The following MAF variants were observed in gnomAD, a reference collection of about 807,000 sequenced individuals.
MAF encodes the protein MAF bZIP transcription factor.
A neutral mutation model predicts 22.0 loss-of-function variants in MAF; 10 were observed. That is an observed-to-expected ratio of 0.45 (90% CI 0.28 to 0.77). The LOEUF (loss-of-function observed/expected upper bound fraction) is 0.77, where lower values mean the gene tolerates loss of function less well. Ranked by LOEUF, MAF falls within the 30% of genes least tolerant of loss-of-function variation. The pLI is 0.12. For synonymous variants in MAF, 337 were observed against 255.8 expected (o/e 1.32, Z -3.03); for missense variants, 544 against 548.4 (o/e 0.99, Z 0.08).
At chr16:79,413,031 G>C in the MAF span, among the ~76,000 whole-genome samples, 1 of 152,112 alleles carries the variant, frequency 6.6e-6, no homozygotes, top group East Asian at 1.9e-4. Context: ...ACAGTAAGTA[G>C]AGAAAAAAAT....
chr16:79,413,342 A>C, the MAF span, among the ~76,000 whole-genome samples: 1 of 138,060 alleles, frequency 7.2e-6, no homozygotes, highest in African/African-American at 2.7e-5. Context: ...TCCCGGGTTC[A>C]CGCCATTCTC....
the MAF span, among the ~76,000 whole-genome samples, chr16:79,290,134 G>C: frequency 6.6e-6 from 1 of 152,122 alleles, no homozygotes; most frequent in Non-Finnish European, 1.5e-5. Context: ...TGGGATTACA[G>C]GCCTGAGCCA....
At chr16:79,206,712 G>A in the MAF span, 2 of 152,138 alleles carry the variant, frequency 1.3e-5, no homozygotes, top group South Asian at 2.1e-4. Flanking sequence ...TGGTGTGTTC[G>A]TTGGTTAGCA....
the MAF span, among the ~76,000 whole-genome samples, chr16:79,238,083 C>G: frequency 6.6e-6 from 1 of 152,082 alleles, no homozygotes; most frequent in Non-Finnish European, 1.5e-5. Flanking sequence ...CTTTTTTTGT[C>G]AGGCTTTGAC....
chr16:79,431,167 C>A, the MAF span, among the ~76,000 whole-genome samples: 1 of 152,148 alleles, frequency 6.6e-6, no homozygotes, highest in Non-Finnish European at 1.5e-5. Flanking sequence ...CTCACCCCAT[C>A]CCTCAACCAA....
the MAF span, among the ~76,000 whole-genome samples, chr16:79,287,731 A>ATTCATTCACTCATTCT: frequency 5.9e-4 from 90 of 152,200 alleles, no homozygotes; most frequent in Middle Eastern, 3.4e-3. Context: ...TCACTCATTC[A>ATTCATTCACTCATTCT]TTCATTCACT....
chr16:79,340,261 C>T, the MAF span, among the ~76,000 whole-genome samples: 1 of 151,968 alleles, frequency 6.6e-6, no homozygotes, highest in Non-Finnish European at 1.5e-5. Flanking sequence ...CCTCTTCCTG[C>T]CTGCCTTCAA....
the MAF span, among the ~76,000 whole-genome samples, chr16:79,351,710 C>T: frequency 6.6e-6 from 1 of 151,882 alleles, no homozygotes; most frequent in Non-Finnish European, 1.5e-5. Flanking sequence ...AACCAGAAAG[C>T]CCATTGCCCA....
the MAF span, chr16:79,212,488 C>G: frequency 4.6e-6 from 1 of 218,388 alleles, no homozygotes; most frequent in African/African-American, 2.3e-5. Context: ...CCTTGAAAGG[C>G]AGGAAGGGAA....
At chr16:79,327,266 C>T in the MAF span, among the ~76,000 whole-genome samples, 30 of 152,312 alleles carry the variant, frequency 2.0e-4, no homozygotes, top group African/African-American at 6.7e-4. Context: ...AACTAGTTCC[C>T]AGGCTTGGCA....
chr16:79,540,374 G>C, the MAF span, among the ~76,000 whole-genome samples: 1 of 152,094 alleles, frequency 6.6e-6, no homozygotes, highest in Non-Finnish European at 1.5e-5. Context: ...GCTCCCAGAA[G>C]AACCATGAGA....
downstream of MAF, among the ~76,000 whole-genome samples, chr16:79,582,026 G>A (rs1180843945): frequency 1.3e-5 from 2 of 152,084 alleles, no homozygotes; most frequent in Admixed American, 6.5e-5. Context: ...AAACAGAGGC[G>A]TGCTGAATTT....
the MAF span, among the ~76,000 whole-genome samples, chr16:79,412,678 G>T: frequency 6.6e-6 from 1 of 152,206 alleles, no homozygotes; most frequent in Non-Finnish European, 1.5e-5. Flanking sequence ...ATAAAATGGG[G>T]ATCGCAGTTC....
At chr16:79,308,837 C>T in the MAF span, among the ~76,000 whole-genome samples, 1 of 152,266 alleles carries the variant, frequency 6.6e-6, no homozygotes, top group East Asian at 1.9e-4. Flanking sequence ...CCTGGGTCCT[C>T]TCCATGGTCC....
chr16:79,334,255 T>C, the MAF span, among the ~76,000 whole-genome samples: 1 of 152,154 alleles, frequency 6.6e-6, no homozygotes, highest in Non-Finnish European at 1.5e-5. Flanking sequence ...AATGGACTAT[T>C]GCACAGCGAC....
At chr16:79,430,333 C>T in the MAF span, among the ~76,000 whole-genome samples, 1 of 152,218 alleles carries the variant, frequency 6.6e-6, no homozygotes, top group South Asian at 2.1e-4. Flanking sequence ...CTGCACCTTC[C>T]CCCGGGCTGA....
intron 1 of MAF, chr16:79,598,102 T>A: frequency 1.9e-6 from 2 of 1,034,204 alleles, no homozygotes; most frequent in Non-Finnish European, 2.3e-6. Flanking sequence ...ACATTTCACA[T>A]TTTTTTTTCC....
chr16:79,426,076 C>T, the MAF span, among the ~76,000 whole-genome samples: 2 of 152,092 alleles, frequency 1.3e-5, no homozygotes, highest in Non-Finnish European at 2.9e-5. Flanking sequence ...CATGGTGGCA[C>T]ATGCCTGTAG....
chr16:79,582,300 G>C (rs1008917511), downstream of MAF, among the ~76,000 whole-genome samples: 1 of 152,200 alleles, frequency 6.6e-6, no homozygotes, highest in Non-Finnish European at 1.5e-5. Context: ...CGGAGATTTT[G>C]GCAGGTGACT....
Sources: gnomAD v4.1 joint callset for allele counts (sites outside exome capture counted in the v4.1 genomes callset) on GRCh38, gnomAD v4.1.1 for gene constraint, MANE v1.5 for transcripts, NCBI Gene and HGNC (gene_info 2026-07-23, HGNC 2026-07-21) for gene names.